Variants in STK31 observed in about 807,000 individuals in gnomAD.
STK31 encodes serine/threonine kinase 31.
A neutral mutation model predicts 129.7 loss-of-function variants in STK31; 89 were observed. That is an observed-to-expected ratio of 0.69 (90% CI 0.58 to 0.82). STK31 has a LOEUF of 0.82. Among genes scored for constraint, STK31 ranks in the 40% least tolerant of loss-of-function variants. STK31 has a pLI of 0.00. For missense variants in STK31, 1,187 were observed against 1,176.4 expected (o/e 1.01, Z -0.13); for synonymous variants, 448 against 395.3 (o/e 1.13, Z -1.58).
chr7:23,800,434 G>A (rs1472318909), intron 22 of STK31, among the ~76,000 whole-genome samples: 2 of 152,140 alleles, frequency 1.3e-5, no homozygotes, highest in African/African-American at 4.8e-5. Flanking sequence ...CCTTTGCAGG[G>A]ACATGGGTGA....
At chr7:23,766,739 G>A (rs1481527768) in intron 11 of STK31, among the ~76,000 whole-genome samples, 1 of 152,060 alleles carries the variant, frequency 6.6e-6, no homozygotes, top group African/African-American at 2.4e-5. Context: ...GGTAATACTT[G>A]ATAATTATTT....
At chr7:23,772,056 A>T in intron 14 of STK31, 91 bp from the exon 15 acceptor site, 1 of 924,334 alleles carries the variant, frequency 1.1e-6, no homozygotes. Flanking sequence ...AGTAAATACT[A>T]GTTGAATCTT....
intron 23 of STK31, among the ~76,000 whole-genome samples, chr7:23,819,238 A>G (rs187259423): frequency 3.3e-5 from 5 of 152,304 alleles, no homozygotes; most frequent in African/African-American, 1.2e-4. Flanking sequence ...TGTTCTTAAA[A>G]ACATATTCTG....
intron 3 of STK31, among the ~76,000 whole-genome samples, chr7:23,714,607 A>C (rs1174877170): frequency 6.6e-6 from 1 of 152,220 alleles, no homozygotes; most frequent in African/African-American, 2.4e-5. Context: ...TTTCCTTTTT[A>C]ATATTGTCTT....
intron 4 of STK31, among the ~76,000 whole-genome samples, chr7:23,726,685 C>T (rs552431926): frequency 6.6e-6 from 1 of 151,434 alleles, no homozygotes; most frequent in East Asian, 1.9e-4. Context: ...TATTAAACAT[C>T]ATTCAATTGA....
At chr7:23,738,669 G>T (rs1468521580) in intron 8 of STK31, among the ~76,000 whole-genome samples, 2 of 149,664 alleles carry the variant, frequency 1.3e-5, no homozygotes, top group African/African-American at 4.9e-5. Flanking sequence ...CGATTCTCCT[G>T]CCTCAGCCTC....
At chr7:23,788,697 CTATTT>C (rs1791444357) in intron 21 of STK31, among the ~76,000 whole-genome samples, 1 of 152,028 alleles carries the variant, frequency 6.6e-6, no homozygotes, top group African/African-American at 2.4e-5. Context: ...AAACAATTCT[CTATTT>C]TAATTGAGAA....
intron 8 of STK31, among the ~76,000 whole-genome samples, chr7:23,749,084 C>T (rs1016927410): frequency 6.6e-6 from 1 of 152,212 alleles, no homozygotes; most frequent in Admixed American, 6.5e-5. Context: ...ATTTCCGTTA[C>T]AGTGTTTTGA....
chr7:23,792,132 A>G (rs897075008), intron 22 of STK31, among the ~76,000 whole-genome samples: 1 of 152,210 alleles, frequency 6.6e-6, no homozygotes, highest in African/African-American at 2.4e-5. Flanking sequence ...CTCTGTTCCA[A>G]TCAGTGTAAT....
intron 11 of STK31, among the ~76,000 whole-genome samples, chr7:23,764,366 C>T (rs767982067): frequency 2.0e-5 from 3 of 152,160 alleles, no homozygotes; most frequent in Non-Finnish European, 4.4e-5. Flanking sequence ...CTTGTCTCCA[C>T]TTCTAGTATT....
chr7:23,810,604 A>T (rs1584484272), intron 22 of STK31, among the ~76,000 whole-genome samples: 2 of 135,180 alleles, frequency 1.5e-5, no homozygotes, highest in Admixed American at 1.7e-4. Context: ...ATCTTTTTAT[A>T]TATATATATA....
At chr7:23,771,215 G>A (rs1790170834) in intron 14 of STK31, 91 bp downstream of exon 14, 4 of 1,223,156 alleles carry the variant, frequency 3.3e-6, no homozygotes, top group Non-Finnish European at 4.3e-6. Context: ...AATACTCAGT[G>A]TCAGTAAATT....
chr7:23,755,071 C>T (rs1190199574), intron 10 of STK31: 2 of 152,166 alleles, frequency 1.3e-5, no homozygotes, highest in Non-Finnish European at 2.9e-5. Context: ...TGAGGAATCG[C>T]CATATCGTCT....
chr7:23,832,142 A>G lies in STK31; in HGVS notation c.2836A>G (p.Lys946Glu), dbSNP rs768182956. 2 of 1,611,866 alleles carry G rather than the reference A, an allele frequency of 1.2e-6. No homozygotes were observed. The highest frequency in any genetic ancestry group is 1.1e-5 in the South Asian group (1 of 90,630). ...PKVDQFHLDD[K>E]VKSLLCSLIC... ...CACCTGTTTTTCCTTGCAGGATGAT[A>G]AAGTCAAATCCCTCCTCTGTAGCTT... The change falls in exon 24 of 24, where the codon AAA (lysine) becomes GAA (glutamate). Residue 946 changes from lysine to glutamate, a missense_variant. Lys to Glu is a moderately conservative substitution (Grantham distance 56, BLOSUM62 1). Transcript: ENST00000355870.
At chr7:23,750,024 TA>T (rs1200960447) in intron 8 of STK31, among the ~76,000 whole-genome samples, 4 of 139,222 alleles carry the variant, frequency 2.9e-5, no homozygotes, top group African/African-American at 1.1e-4. Context: ...TAGATCTTAT[TA>T]AGAAGTACAG....
At chr7:23,710,545 C>T (rs556445093) in intron 1 of STK31, 11 of 1,420,404 alleles carry the variant, frequency 7.7e-6, no homozygotes, top group South Asian at 5.9e-5. Flanking sequence ...AGACCTCCGG[C>T]CTGAATGATC....
chr7:23,766,562 T>A (rs1460095236), intron 11 of STK31, among the ~76,000 whole-genome samples: 3 of 152,184 alleles, frequency 2.0e-5, no homozygotes, highest in Admixed American at 2.0e-4. Flanking sequence ...CCTTCTTATT[T>A]CCATAATTGT....
At position 23,710,355 on chromosome 7, in the gene STK31, G is replaced by T. The variant is rs371999402; in HGVS notation, c.50+20G>T. The T allele has an allele frequency of 6.2e-7, 1 of 1,613,342 alleles. No homozygotes were observed. Among genetic ancestry groups the T allele is most frequent in the East Asian group, 2.2e-5 (1 of 44,884 alleles). ...TGTGAGGTCAGTAGTAGTTTTTGTG[G>T]TACGTGCAGTGGTGGCCGCTTCAAG... is the stretch of plus-strand genomic sequence containing the variant. On this transcript the variant is annotated intron_variant, in intron 1 of 23. Coordinates refer to ENST00000355870, the MANE Select transcript of STK31 (RefSeq NM_031414.5).
chr7:23,801,380 T>C (rs1792359450), intron 22 of STK31, among the ~76,000 whole-genome samples: 1 of 152,196 alleles, frequency 6.6e-6, no homozygotes, highest in Admixed American at 6.5e-5. Flanking sequence ...TGCCTGTTTT[T>C]TAATTGGATT....
Sources: allele counts gnomAD v4.1 joint callset (sites outside exome capture counted in the v4.1 genomes callset), GRCh38; gene constraint gnomAD v4.1.1; transcripts MANE v1.5; gene names NCBI Gene and HGNC (gene_info 2026-07-23, HGNC 2026-07-21).